Variants in SLC35F2 observed in about 807,000 individuals in gnomAD.
The protein encoded by SLC35F2 is solute carrier family 35 member F2, also known as queuine/queuosine transporter SLC35F2.
Under a neutral mutation model 38.1 loss-of-function variants are expected in SLC35F2, and 25 were observed. The observed-to-expected ratio is 0.66, with a 90% CI of 0.48 to 0.92. The LOEUF is 0.92. Ranked by LOEUF, SLC35F2 falls within the 40% of genes least tolerant of loss-of-function variation. SLC35F2 has a pLI of 0.00. For missense variants in SLC35F2, 409 were observed against 452.9 expected (o/e 0.90, Z 0.88); for synonymous variants, 173 against 181.7 (o/e 0.95, Z 0.38).
intron 1 of SLC35F2, among the ~76,000 whole-genome samples, chr11:107,842,060 C>T (rs1454371863): frequency 6.8e-6 from 1 of 146,210 alleles, no homozygotes; most frequent in African/African-American, 2.5e-5. Flanking sequence ...AACAAGACTT[C>T]GTCTCAAAAA....
At chr11:107,815,605 C>T (rs908060614) in intron 2 of SLC35F2, among the ~76,000 whole-genome samples, 185 bp downstream of exon 2, 4 of 150,540 alleles carry the variant, frequency 2.7e-5, no homozygotes, top group African/African-American at 9.8e-5. Flanking sequence ...AAAAAAAAAA[C>T]ACTTTTTTTT....
rs1239510764 is a variant in SLC35F2, at chr11:107,818,086, AAGAAAGAAAGAAAGAAAGAAAGAAAG to A, written c.111-2147_111-2122del. 1.2e-4 allele frequency among the ~76,000 whole-genome samples: 14 copies of A among 120,812 alleles called. 2 individuals carry two copies. The highest frequency in any genetic ancestry group is 3.3e-4 in the African/African-American group (9 of 27,062). 79.3% of individuals were successfully genotyped at this position (120,812 alleles called of 152,430 possible). Reference sequence around the variant, plus strand: ...AAAAAAAAAAAAAAAGAAAGAAAGAAAGAAAGAAAGAAAGAAAGAAAGAAAGAAAGAAAGAAAGAAAGAAAGAAAAA... The same window carrying A: ...AAAAAAAAAAAAAAAGAAAGAAAGAAAAAGAAAGAAAGAAAGAAAGAAAAA... On this transcript the variant is annotated intron_variant, in intron 1 of 7. Transcript: ENST00000525815.
At chr11:107,835,351 G>A (rs1859913765) in intron 1 of SLC35F2, among the ~76,000 whole-genome samples, 1 of 152,050 alleles carries the variant, frequency 6.6e-6, no homozygotes, top group Non-Finnish European at 1.5e-5. Flanking sequence ...TTTACCTAGA[G>A]ACTGGAATGT....
chr11:107,837,951 TA>T (rs1335626959), intron 1 of SLC35F2, among the ~76,000 whole-genome samples: 1 of 150,696 alleles, frequency 6.6e-6, no homozygotes, highest in Non-Finnish European at 1.5e-5. Flanking sequence ...CTAGTAATAG[TA>T]ATGGTAATAA....
chr11:107,829,301 C>A (rs1859800116), intron 1 of SLC35F2, among the ~76,000 whole-genome samples: 1 of 152,056 alleles, frequency 6.6e-6, no homozygotes, highest in African/African-American at 2.4e-5. Flanking sequence ...TGCCTGTGAT[C>A]CCAGCTACTT....
intron 7 of SLC35F2, among the ~76,000 whole-genome samples, chr11:107,800,942 T>C (rs1859298748): frequency 6.9e-6 from 1 of 145,762 alleles, no homozygotes; most frequent in Admixed American, 7.2e-5. Context: ...GAGTTGCTCG[T>C]TACCCAGGCT....
At chr11:107,813,504 T>C (rs1859516142) in intron 2 of SLC35F2, among the ~76,000 whole-genome samples, 1 of 152,050 alleles carries the variant, frequency 6.6e-6, no homozygotes, top group South Asian at 2.1e-4. Flanking sequence ...ACAGAATTAG[T>C]CTTCCTCAGC....
At chr11:107,797,286 C>T (rs535615809) in intron 7 of SLC35F2, among the ~76,000 whole-genome samples, 208 of 150,510 alleles carry the variant, frequency 1.4e-3, no homozygotes, top group African/African-American at 4.8e-3. Context: ...GAGATGACAG[C>T]AAAAAACAGT....
intron 1 of SLC35F2, among the ~76,000 whole-genome samples, chr11:107,850,067 C>T (rs563905664): frequency 1.3e-5 from 2 of 152,324 alleles, no homozygotes; most frequent in East Asian, 3.9e-4. Context: ...CTCCTTCTTT[C>T]AGAGCAGCTG....
At chr11:107,857,207 G>A (rs555405136) in intron 1 of SLC35F2, among the ~76,000 whole-genome samples, 4 of 128,520 alleles carry the variant, frequency 3.1e-5, no homozygotes, top group Non-Finnish European at 3.3e-5. Context: ...ACGGACGGAA[G>A]GAAGGAACAA....
intron 1 of SLC35F2, among the ~76,000 whole-genome samples, chr11:107,826,844 A>G (rs1449621162): frequency 6.6e-6 from 1 of 152,208 alleles, no homozygotes; most frequent in African/African-American, 2.4e-5. Flanking sequence ...AGGATCAAAA[A>G]GAACTGTACA....
At chr11:107,823,325 C>T in intron 1 of SLC35F2, 1 of 511,296 alleles carries the variant, frequency 2.0e-6, no homozygotes, top group Non-Finnish European at 2.5e-6. Context: ...TTATGCATTC[C>T]CTTCACTTTA....
intron 1 of SLC35F2, among the ~76,000 whole-genome samples, chr11:107,824,190 T>A (rs1859720270): frequency 6.6e-6 from 1 of 152,188 alleles, no homozygotes; most frequent in South Asian, 2.1e-4. Context: ...TTGGTGTATA[T>A]GATCACCTCA....
chr11:107,797,552 A>G (rs1859240252), intron 7 of SLC35F2, among the ~76,000 whole-genome samples: 1 of 150,802 alleles, frequency 6.6e-6, no homozygotes, highest in Non-Finnish European at 1.5e-5. Flanking sequence ...AAAAAAAAGC[A>G]AGATACACTC....
At chr11:107,819,581 T>G (rs955404121) in intron 1 of SLC35F2, among the ~76,000 whole-genome samples, 2 of 152,194 alleles carry the variant, frequency 1.3e-5, no homozygotes, top group African/African-American at 4.8e-5. Flanking sequence ...GAGGCTGCCC[T>G]ATCCTAGACA....
rs914325924 is a variant in SLC35F2, at chr11:107,803,477, G to A, written c.785-322C>T. 5.3e-5 allele frequency: 52 copies of A among 984,494 alleles called. No homozygotes were observed. The African/African-American group carries it at 7.4e-4, about 14-fold the overall frequency. 61.0% of individuals were successfully genotyped at this position (984,494 alleles called of 1,614,324 possible). A position where few individuals can be genotyped will look rare whatever the true frequency, so the allele number is the denominator to read the frequency against. On this transcript the variant is annotated intron_variant, in intron 6 of 7. Transcript: ENST00000525815. ...GCACCCTGCCAGGACAGCGATGCCT[G>A]TGATAAAAGGCCAATAAAGGCAGAA...
intron 7 of SLC35F2, among the ~76,000 whole-genome samples, chr11:107,800,558 G>T (rs540515453): frequency 3.5e-4 from 53 of 152,216 alleles, no homozygotes; most frequent in Admixed American, 2.4e-3. Flanking sequence ...TAGGAAGCAG[G>T]TCAACAATCC....
chr11:107,820,383 C>T (rs1008071682), intron 1 of SLC35F2, among the ~76,000 whole-genome samples: 1 of 151,898 alleles, frequency 6.6e-6, no homozygotes, highest in African/African-American at 2.4e-5. Context: ...ATTGCAGAAC[C>T]TTGGCACTAA....
intron 1 of SLC35F2, chr11:107,816,226 T>C: frequency 1.0e-6 from 1 of 985,262 alleles, no homozygotes. Context: ...TAGAGATCAT[T>C]TTGATTACTC....
Sources: gnomAD v4.1 joint callset for allele counts (sites outside exome capture counted in the v4.1 genomes callset) on GRCh38, gnomAD v4.1.1 for gene constraint, MANE v1.5 for transcripts, NCBI Gene and HGNC (gene_info 2026-07-23, HGNC 2026-07-21) for gene names.